CD1B: variants seen among roughly 807,000 people sequenced by gnomAD.
The protein encoded by CD1B is T-cell surface glycoprotein CD1b.
Under a neutral mutation model 39.8 loss-of-function variants are expected in CD1B, and 43 were observed. That is an observed-to-expected ratio of 1.08 (90% CI 0.85 to 1.39). The LOEUF (loss-of-function observed/expected upper bound fraction) is 1.39. Ranked by LOEUF, CD1B falls within the 40% of genes most tolerant of loss-of-function variation. The pLI, the probability that CD1B is intolerant of heterozygous loss-of-function variation, is 0.00. For missense variants in CD1B, 495 were observed against 403.8 expected (o/e 1.23, Z -1.94); for synonymous variants, 192 against 152.5 (o/e 1.26, Z -1.91).
chr1:158,309,138 A>T, the CD1B span, among the ~76,000 whole-genome samples: 1 of 152,208 alleles, frequency 6.6e-6, no homozygotes, highest in Non-Finnish European at 1.5e-5. Context: ...TTTACAAGAA[A>T]AAAACAAACA....
chr1:158,308,803 T>A, the CD1B span, among the ~76,000 whole-genome samples: 1 of 152,194 alleles, frequency 6.6e-6, no homozygotes, highest in Non-Finnish European at 1.5e-5. Context: ...ACTGGATCCC[T>A]TCCTTACACC....
the CD1B span, among the ~76,000 whole-genome samples, chr1:158,308,851 C>A: frequency 3.3e-5 from 5 of 152,068 alleles, no homozygotes; most frequent in Non-Finnish European, 7.4e-5. Context: ...TAAAGACTTA[C>A]ATGTTAGACC....
intron 5 of CD1B, among the ~76,000 whole-genome samples, chr1:158,328,596 G>A (rs1652452412): frequency 6.6e-6 from 1 of 152,158 alleles, no homozygotes; most frequent in African/African-American, 2.4e-5. Flanking sequence ...GGAGAAGAGG[G>A]GAAATGGGAA....
chr1:158,301,744 A>G, the CD1B span, among the ~76,000 whole-genome samples: 1 of 151,756 alleles, frequency 6.6e-6, no homozygotes, highest in South Asian at 2.1e-4. Context: ...AACCTTCGTG[A>G]GTCTGATAAT....
At chr1:158,303,479 A>G in the CD1B span, among the ~76,000 whole-genome samples, 15 of 152,336 alleles carry the variant, frequency 9.8e-5, no homozygotes, top group African/African-American at 3.6e-4. Context: ...AGGAAGTTAA[A>G]TTATCTCTTT....
rs1652469241 is a variant in CD1B at position 158,328,950 on chromosome 1, T to C, written c.951A>G (p.Leu317=). The C allele has an allele frequency of 3.1e-6, 5 of 1,612,728 alleles. No homozygotes were observed. The Admixed American group carries it at 6.7e-5, about 22-fold the overall frequency. Residue 317 remains leucine, a synonymous_variant, in exon 5 of 6, where the codon CTA becomes CTG. Transcript: ENST00000368168. The part of the protein sequence containing the change: ...AIIVPSLLLL[L]CLALWYMRRR... Reference sequence around the variant, plus strand: ...GCCTCATATACCATAATGCAAGGCATAGCAAAAGGAGCAAGGAAGGCACTA... The same window carrying C: ...GCCTCATATACCATAATGCAAGGCACAGCAAAAGGAGCAAGGAAGGCACTA...
At chr1:158,315,286 G>T in the CD1B span, among the ~76,000 whole-genome samples, 1 of 152,192 alleles carries the variant, frequency 6.6e-6, no homozygotes, top group East Asian at 1.9e-4. Context: ...GTGTAAAAGT[G>T]TTCCTATTTC....
At chr1:158,315,017 T>C in the CD1B span, among the ~76,000 whole-genome samples, 1 of 146,952 alleles carries the variant, frequency 6.8e-6, no homozygotes, top group African/African-American at 2.6e-5. Context: ...TAGTATTCCA[T>C]GGTGTATATA....
the CD1B span, among the ~76,000 whole-genome samples, chr1:158,305,220 A>T: frequency 1.3e-5 from 2 of 152,220 alleles, no homozygotes; most frequent in Non-Finnish European, 2.9e-5. Context: ...AACTAGAATA[A>T]GCAATGCAGA....
the CD1B span, among the ~76,000 whole-genome samples, chr1:158,317,671 GC>G: frequency 1.3e-5 from 2 of 151,998 alleles, no homozygotes; most frequent in Non-Finnish European, 2.9e-5. Context: ...CTTCAGTTCT[GC>G]TCTGATTTTA....
At chr1:158,325,154 T>C (rs1652308523), downstream of CD1B, among the ~76,000 whole-genome samples, 1 of 152,096 alleles carries the variant, frequency 6.6e-6, no homozygotes, top group African/African-American at 2.4e-5. Context: ...AAGTAATAAG[T>C]GAAGAATGTT....
At chr1:158,305,334 C>T in the CD1B span, among the ~76,000 whole-genome samples, 1 of 152,028 alleles carries the variant, frequency 6.6e-6, no homozygotes, top group Non-Finnish European at 1.5e-5. Flanking sequence ...GAAAGGGTAT[C>T]AGTGATGGAA....
At chr1:158,311,022 A>G in the CD1B span, among the ~76,000 whole-genome samples, 1 of 152,214 alleles carries the variant, frequency 6.6e-6, no homozygotes, top group Non-Finnish European at 1.5e-5. Flanking sequence ...TTACCCATGT[A>G]ACAAACCTTC....
At chr1:158,292,205 G>A in the CD1B span, 2 of 1,614,152 alleles carry the variant, frequency 1.2e-6, no homozygotes, top group Non-Finnish European at 1.7e-6. Context: ...CAACATGGGT[G>A]CCATCTCCAG....
At chr1:158,290,033 T>A in the CD1B span, 12 of 1,609,120 alleles carry the variant, frequency 7.5e-6, no homozygotes, top group Non-Finnish European at 1.0e-5. Context: ...AGCAAACAGC[T>A]TTTCTGAGAG....
chr1:158,321,786 G>T, the CD1B span, among the ~76,000 whole-genome samples: 1 of 151,978 alleles, frequency 6.6e-6, no homozygotes, highest in Non-Finnish European at 1.5e-5. Flanking sequence ...AAGTCCAGGG[G>T]TACATGTGCA....
the CD1B span, among the ~76,000 whole-genome samples, chr1:158,315,975 T>C: frequency 0.012 from 1,889 of 152,092 alleles, 59 homozygotes; most frequent in African/African-American, 0.041. Context: ...TGTAGATATG[T>C]GGCATTAATT....
At chr1:158,316,268 A>G in the CD1B span, among the ~76,000 whole-genome samples, 2 of 152,030 alleles carry the variant, frequency 1.3e-5, no homozygotes, top group Admixed American at 6.6e-5. Flanking sequence ...TTTTCATGAT[A>G]TTGATTCTTC....
chr1:158,328,345 G>T, intron 5 of CD1B, 88 bp from the exon 6 acceptor site: 2 of 1,108,014 alleles, frequency 1.8e-6, no homozygotes, highest in Non-Finnish European at 2.7e-6. Context: ...ATAGTTAAAA[G>T]TGAAAGCAAC....
Sources: allele counts gnomAD v4.1 joint callset (sites outside exome capture counted in the v4.1 genomes callset), GRCh38; gene constraint gnomAD v4.1.1; transcripts MANE v1.5; gene names NCBI Gene and HGNC (gene_info 2026-07-23, HGNC 2026-07-21).